GK5: variants seen among roughly 807,000 people sequenced by gnomAD.
GK5 encodes ATP:glycerol 3-phosphotransferase 5.
Under a neutral mutation model 77.3 loss-of-function variants are expected in GK5, and 39 were observed. The observed-to-expected ratio is 0.50, with a 90% CI of 0.39 to 0.66. The LOEUF is 0.66. Among genes scored for constraint, GK5 ranks in the 30% least tolerant of loss-of-function variants. The pLI is 0.00. For synonymous variants in GK5, 211 were observed against 208.0 expected, an observed-to-expected ratio of 1.01 and a Z score of -0.13; for missense variants, 487 against 633.8, an observed-to-expected ratio of 0.77 and a Z score of 2.49.
At chr3:142,200,740 C>T (rs1378161255) in intron 4 of GK5, among the ~76,000 whole-genome samples, 1 of 152,194 alleles carries the variant, frequency 6.6e-6, no homozygotes, top group African/African-American at 2.4e-5. Flanking sequence ...CTAATAACTG[C>T]ACTTTTAGAC....
chr3:142,173,463 C>T (rs1163141055), intron 12 of GK5, among the ~76,000 whole-genome samples: 1 of 151,964 alleles, frequency 6.6e-6, no homozygotes, highest in Non-Finnish European at 1.5e-5. Context: ...AAAGGTGGAC[C>T]ACTTGAGTCA....
intron 3 of GK5, among the ~76,000 whole-genome samples, chr3:142,207,327 A>C (rs1044955882): frequency 3.3e-5 from 5 of 152,138 alleles, no homozygotes; most frequent in African/African-American, 1.2e-4. Context: ...CTCCCTTCTG[A>C]GAATTTCTGG....
chr3:142,198,687 T>C lies in GK5; in HGVS notation c.543+115A>G. On this transcript the variant is annotated intron_variant, in intron 5 of 15. Transcript: ENST00000392993. Reference sequence around the variant, plus strand: ...TTCCAATATGTGGTAGACACTTAATTTTCCCTCAAATAATCAAATTACTAT... The same window carrying C: ...TTCCAATATGTGGTAGACACTTAATCTTCCCTCAAATAATCAAATTACTAT... 2.1e-6 allele frequency: 2 copies of C among 940,180 alleles called. 1 individual carries two copies. The highest frequency in any genetic ancestry group is 4.4e-5 in the South Asian group (2 of 45,514). The allele number at this position is 940,180 out of a possible 1,614,324, so 58.2% of individuals were successfully genotyped here.
At chr3:142,206,101 G>A (rs139891373) in intron 3 of GK5, among the ~76,000 whole-genome samples, 234 of 152,234 alleles carry the variant, frequency 1.5e-3, no homozygotes, top group African/African-American at 5.4e-3. Context: ...AATGTATTCC[G>A]TTTTATGGCT....
In GK5 at chr3:142,160,483, T is replaced by G. The variant is rs2063417615; in HGVS notation, c.*5139A>C. 6.6e-6 allele frequency: 1 copy of G among 152,220 alleles called. No homozygotes were observed. Among genetic ancestry groups the G allele is most frequent in the Non-Finnish European group, 1.5e-5 (1 of 68,036 alleles). 9.4% of individuals were successfully genotyped at this position (152,220 alleles called of 1,614,324 possible). On this transcript the variant is annotated 3_prime_UTR_variant, in exon 16 of 16. Coordinates refer to ENST00000392993, the MANE Select transcript of GK5 (RefSeq NM_001039547.3). The stretch of plus-strand genomic sequence containing the variant: ...TTCTTGCAAGATTCCTGGGCTGGAC[T>G]GTTTTAAATTAAAGACTGGTCCCTT...
chr3:142,204,448 CACAAATTCTCACTAA>C (rs1418491456), intron 4 of GK5: 1 of 525,014 alleles, frequency 1.9e-6, no homozygotes, highest in African/African-American at 1.9e-5. Flanking sequence ...AGGACAGAAA[CACAAATTCTCACTAA>C]CATGTGAAAC....
In GK5 at chr3:142,184,906, C is replaced by T. The variant is rs1054911414; in HGVS notation, c.816+1023G>A. On this transcript the variant is annotated intron_variant, in intron 9 of 15. Coordinates refer to ENST00000392993, the MANE Select transcript of GK5 (RefSeq NM_001039547.3). Reference sequence around the variant, plus strand: ...CTCTGTCACTAATTGGTAACTCTTCCAGCCATACCTTAATCTAACCCTGCA... The same window carrying T: ...CTCTGTCACTAATTGGTAACTCTTCTAGCCATACCTTAATCTAACCCTGCA... The T allele has an allele frequency of 5.1e-6, 5 of 985,298 alleles. No homozygotes were observed. The African/African-American group carries it at 8.7e-5, about 17-fold the overall frequency. The allele number at this position is 985,298 out of a possible 1,614,324, so 61.0% of individuals were successfully genotyped here.
rs1034903656 is a variant in GK5 at position 142,185,618 on chromosome 3, T to G, written c.816+311A>C. ...CTGTGTTTTGTCTCAGAGTACCAAATGTAAACTAAATACCACTCAGAATTA... is the reference window on the plus strand; with the variant it reads ...CTGTGTTTTGTCTCAGAGTACCAAAGGTAAACTAAATACCACTCAGAATTA... On this transcript the variant is annotated intron_variant, in intron 9 of 15. Transcript: ENST00000392993. 21 of 1,142,772 alleles carry G rather than the reference T, an allele frequency of 1.8e-5. No homozygotes were observed. In the African/African-American group the frequency reaches 3.4e-4, roughly 19 times the overall value. The allele number at this position is 1,142,772 out of a possible 1,614,324, so 70.8% of individuals were successfully genotyped here. A position where few individuals can be genotyped will look rare whatever the true frequency, so the allele number is the denominator to read the frequency against.
At chr3:142,189,211 A>T (rs933638256) in intron 5 of GK5, among the ~76,000 whole-genome samples, 1 of 152,222 alleles carries the variant, frequency 6.6e-6, no homozygotes, top group Non-Finnish European at 1.5e-5. Flanking sequence ...CAAATAGCAG[A>T]TGTTCCAAAA....
intron 1 of GK5, among the ~76,000 whole-genome samples, chr3:142,218,540 CAAA>C (rs569737640): frequency 3.4e-5 from 2 of 58,970 alleles, no homozygotes; most frequent in Non-Finnish European, 3.4e-5. Flanking sequence ...GGCTCCATCT[CAAA>C]AAAAAAAAAA....
At chr3:142,165,830 T>G in intron 15 of GK5, 60 bp from the exon 16 acceptor site, 1 of 1,174,500 alleles carries the variant, frequency 8.5e-7, no homozygotes, top group Non-Finnish European at 1.2e-6. Flanking sequence ...ATAAAGTTTA[T>G]CCAAAAACCT....
At chr3:142,186,740 C>T (rs1048398856) in intron 6 of GK5, among the ~76,000 whole-genome samples, 2 of 151,128 alleles carry the variant, frequency 1.3e-5, no homozygotes, top group South Asian at 2.1e-4. Context: ...AAGTGATTCT[C>T]CTGCCTCAGC....
intron 1 of GK5, among the ~76,000 whole-genome samples, chr3:142,218,690 CAA>C (rs1451753698): frequency 1.3e-5 from 2 of 152,046 alleles, no homozygotes; most frequent in Non-Finnish European, 2.9e-5. Context: ...TGGGGTTAGG[CAA>C]AGAGTCCTTA....
At chr3:142,171,691 G>A (rs1242976583) in intron 13 of GK5, among the ~76,000 whole-genome samples, 2 of 151,598 alleles carry the variant, frequency 1.3e-5, no homozygotes, top group Non-Finnish European at 2.9e-5. Context: ...TGTTTTTTTT[G>A]CCTTCATGTA....
At chr3:142,225,207 C>T in intron 1 of GK5, 102 bp downstream of exon 1, 1 of 1,292,308 alleles carries the variant, frequency 7.7e-7, no homozygotes, top group African/African-American at 1.6e-5. Context: ...GTGGCCGCGT[C>T]CAGGGCGGTA....
At chr3:142,181,588 TTAAG>T in intron 10 of GK5, 23 bp from the exon 11 acceptor site, 10 of 1,466,726 alleles carry the variant, frequency 6.8e-6, no homozygotes, top group Non-Finnish European at 7.6e-6. Flanking sequence ...ACAACGAATG[TTAAG>T]TCAAATATAT....
chr3:142,184,511 TAATA>T (rs1298794661), intron 9 of GK5, among the ~76,000 whole-genome samples: 2 of 152,082 alleles, frequency 1.3e-5, no homozygotes, highest in Admixed American at 1.3e-4. Context: ...AACATTTTGT[TAATA>T]TAGTCAAATG....
At chr3:142,186,630 CTT>C (rs781196956) in intron 6 of GK5, 117 bp from the exon 7 acceptor site, 5,928 of 259,462 alleles carry the variant, frequency 0.023, no homozygotes, top group East Asian at 0.036. Context: ...TGTGTATTTT[CTT>C]TTTTTTTTTT....
At chr3:142,191,396 T>C (rs1331559629) in intron 5 of GK5, among the ~76,000 whole-genome samples, 2 of 151,652 alleles carry the variant, frequency 1.3e-5, no homozygotes, top group African/African-American at 4.8e-5. Context: ...ACAATAAGTC[T>C]ACACATTAAA....
Sources: gnomAD v4.1 joint callset for allele counts (sites outside exome capture counted in the v4.1 genomes callset) on GRCh38, gnomAD v4.1.1 for gene constraint, MANE v1.5 for transcripts, NCBI Gene and HGNC (gene_info 2026-07-23, HGNC 2026-07-21) for gene names.